The following NR4A1 variants were observed in gnomAD, a reference collection of about 807,000 sequenced individuals.
NR4A1 encodes nuclear receptor subfamily 4immunitygroup A member 1.
Under a neutral mutation model 47.5 loss-of-function variants are expected in NR4A1, and 24 were observed. The ratio of observed to expected loss-of-function variants is 0.50; its 90% CI spans 0.37 to 0.71. The LOEUF (loss-of-function observed/expected upper bound fraction) is 0.71, where lower values mean the gene tolerates loss of function less well. NR4A1 is among the 30% of genes least tolerant of loss of function. The pLI is 0.00. For missense variants in NR4A1, 669 were observed against 788.6 expected (o/e 0.85, Z 1.82); for synonymous variants, 353 against 345.7 (o/e 1.02, Z -0.24).
upstream of NR4A1, among the ~76,000 whole-genome samples, chr12:52,049,466 G>A (rs1259632981): frequency 6.6e-6 from 1 of 152,206 alleles, no homozygotes; most frequent in Non-Finnish European, 1.5e-5. Context: ...TTGGTCTGTG[G>A]GACCAGTGAG....
chr12:52,056,199 C>G, intron 3 of NR4A1, 40 bp downstream of exon 3: 1 of 1,553,092 alleles, frequency 6.4e-7, no homozygotes, highest in Admixed American at 2.0e-5. Flanking sequence ...CAAGGGTAGG[C>G]TTGAGTGGAG....
chr12:52,027,030 G>A (rs1938013331), intron 1 of NR4A1, among the ~76,000 whole-genome samples: 1 of 152,212 alleles, frequency 6.6e-6, no homozygotes, highest in African/African-American at 2.4e-5. Context: ...GTGTTGATAG[G>A]CACAGTGGCT....
intron 1 of NR4A1, among the ~76,000 whole-genome samples, chr12:52,027,259 G>A (rs376846277): frequency 6.6e-5 from 10 of 152,238 alleles, no homozygotes; most frequent in East Asian, 5.8e-4. Context: ...GAGACGTGAT[G>A]AATGGTCCCC....
chr12:52,037,224 G>A (rs1050965805), intron 1 of NR4A1: 36 of 305,738 alleles, frequency 1.2e-4, no homozygotes, highest in Admixed American at 2.0e-4. Flanking sequence ...GCGGGCGGGG[G>A]GCTTCCCGGG....
rs1368531985 is a variant in NR4A1 at position 52,055,067 on chromosome 12, G to A, written c.739G>A (p.Asp247Asn). The change falls in exon 2 of 7, where the codon GAT (aspartate) becomes AAT (asparagine). Residue 247 changes from aspartate to asparagine, a missense_variant. By Grantham distance (23) the Asp-to-Asn change is conservative. Coordinates refer to ENST00000394825, the MANE Select transcript of NR4A1 (RefSeq NM_173157.3). The part of the protein sequence containing the change: ...SPHLEGSGIL[D>N]TPVTSTKARS... ...ACACCTTGAGGGCTCGGGGATACTG[G>A]ATACACCCGTGACCTCAACCAAGGC... 1.2e-6 allele frequency: 2 copies of A among 1,614,262 alleles called. No homozygotes were observed. Among genetic ancestry groups the A allele is most frequent in the South Asian group, 2.2e-5 (2 of 91,082 alleles).
Position 52,058,725 on chromosome 12 carries a change from G to T in NR4A1, c.1578G>T (p.Glu526Asp), listed in dbSNP as rs758299423. The stretch of plus-strand genomic sequence containing the variant: ...TGCAGGAGCCGCGGCGGGTGGAGGA[G>T]CTGCAGAACCGCATCGCCAGCTGCC... The part of the protein sequence containing the change: ...HGLQEPRRVE[E>D]LQNRIASCLK... Residue 526 changes from glutamate to aspartate, a missense_variant, in exon 7 of 7, where the codon GAG (glutamate) becomes GAT (aspartate). Coordinates refer to ENST00000394825, the MANE Select transcript of NR4A1 (RefSeq NM_173157.3). 38 of 1,609,512 alleles carry T rather than the reference G, an allele frequency of 2.4e-5. No homozygotes were observed. Among genetic ancestry groups the T allele is most frequent in the African/African-American group, 4.0e-5 (3 of 74,820 alleles).
intron 2 of NR4A1, among the ~76,000 whole-genome samples, chr12:52,043,116 T>TG (rs1281475196): frequency 6.6e-6 from 1 of 152,146 alleles, no homozygotes; most frequent in Non-Finnish European, 1.5e-5. Flanking sequence ...GGGGCAGGGC[T>TG]GGGTGTGTGC....
intron 4 of NR4A1, 183 bp downstream of exon 4, chr12:52,056,828 C>A: frequency 1.2e-6 from 1 of 863,500 alleles, no homozygotes; most frequent in Non-Finnish European, 1.7e-6. Flanking sequence ...CTCGGCTGAC[C>A]AGATGGGAAA....
chr12:52,051,681 T>A, intron 1 of NR4A1, 113 bp downstream of exon 1: 1 of 695,910 alleles, frequency 1.4e-6, no homozygotes, highest in Non-Finnish European at 1.8e-6. Context: ...AGGGTAGGTG[T>A]AGTGTGCAGC....
rs1301607353 is a variant in NR4A1, at chr12:52,054,795, G to T, written c.467G>T (p.Gly156Val). 1 of 1,612,972 alleles carries T rather than the reference G, an allele frequency of 6.2e-7. No individual in the cohort carries two copies. Among genetic ancestry groups the T allele is most frequent in the South Asian group, 1.1e-5 (1 of 91,072 alleles). ...CCGCCCCAGCTCTCTCCCTGGGATG[G>T]CTCCTTCGGCCACTTCTCGCCCAGC... ...FQPPQLSPWD[G>V]SFGHFSPSQT... Residue 156 changes from glycine to valine, a missense_variant, in exon 2 of 7, where the codon GGC (glycine) becomes GTC (valine). Coordinates refer to ENST00000394825, the MANE Select transcript of NR4A1 (RefSeq NM_173157.3).
intron 3 of NR4A1, 103 bp from the exon 4 acceptor site, chr12:52,056,375 CAGGGACTCTGGGTCCT>C: frequency 6.9e-7 from 1 of 1,450,168 alleles, no homozygotes; most frequent in Non-Finnish European, 9.3e-7. Flanking sequence ...CCTTGGATCT[CAGGGACTCTGGGTCCT>C]AGGGACTCGG....
At chr12:52,037,682 C>T (rs1938287773) in intron 1 of NR4A1, 1 of 985,358 alleles carries the variant, frequency 1.0e-6, no homozygotes, top group Non-Finnish European at 1.2e-6. Context: ...ACGAGGGGCG[C>T]TGGAGGTGGC....
At chr12:52,022,967 G>A (rs1170095422) in intron 1 of NR4A1, 1 of 152,320 alleles carries the variant, frequency 6.6e-6, no homozygotes. Context: ...CGAGGGAGGA[G>A]ATGGGGGTGG....
intron 1 of NR4A1, among the ~76,000 whole-genome samples, chr12:52,039,336 C>T (rs1938354166): frequency 1.3e-5 from 2 of 152,162 alleles, no homozygotes; most frequent in South Asian, 4.1e-4. Flanking sequence ...ACGCAGAGGG[C>T]CTGTCAGCGG....
chr12:52,027,033 C>T (rs575852219), intron 1 of NR4A1, among the ~76,000 whole-genome samples: 2 of 152,330 alleles, frequency 1.3e-5, no homozygotes, highest in South Asian at 4.1e-4. Context: ...TTGATAGGCA[C>T]AGTGGCTGTC....
intron 1 of NR4A1, among the ~76,000 whole-genome samples, chr12:52,040,036 C>T (rs1321008975): frequency 6.6e-6 from 1 of 152,160 alleles, no homozygotes; most frequent in Non-Finnish European, 1.5e-5. Flanking sequence ...TTCTCCTCCT[C>T]CAAGCCCACT....
At chr12:52,043,199 G>T (rs750731754) in intron 2 of NR4A1, among the ~76,000 whole-genome samples, 1 of 152,154 alleles carries the variant, frequency 6.6e-6, no homozygotes, top group East Asian at 1.9e-4. Context: ...TTACTGTAAG[G>T]GGGAGAGGCA....
At chr12:52,045,611 G>A in intron 2 of NR4A1, 1 of 442,648 alleles carries the variant, frequency 2.3e-6, no homozygotes, top group Non-Finnish European at 4.6e-6. Context: ...AGATGAGGAA[G>A]CAGTCTTGGA....
At chr12:52,038,643 A>G in intron 1 of NR4A1, 1 of 733,398 alleles carries the variant, frequency 1.4e-6, no homozygotes, top group Non-Finnish European at 2.5e-6. Flanking sequence ...ATTTAAGATC[A>G]GTGACTTGGA....
Sources: allele counts gnomAD v4.1 joint callset (sites outside exome capture counted in the v4.1 genomes callset), GRCh38; gene constraint gnomAD v4.1.1; transcripts MANE v1.5; gene names NCBI Gene and HGNC (gene_info 2026-07-23, HGNC 2026-07-21).